TMEM161B: variants seen among roughly 807,000 people sequenced by gnomAD.
TMEM161B encodes transmembrane protein 161B.
A neutral mutation model predicts 61.8 loss-of-function variants in TMEM161B; 34 were observed. The observed-to-expected ratio is 0.55, with a 90% CI of 0.42 to 0.73. The LOEUF is 0.73. Among genes scored for constraint, TMEM161B ranks in the 30% least tolerant of loss-of-function variants. The pLI, the probability that TMEM161B is intolerant of heterozygous loss-of-function variation, is 0.00. For missense variants in TMEM161B, 456 were observed against 558.5 expected (o/e 0.82, Z 1.85); for synonymous variants, 167 against 192.8 (o/e 0.87, Z 1.11).
chr5:88,217,716 A>C (rs1748148686), intron 5 of TMEM161B, among the ~76,000 whole-genome samples: 1 of 152,114 alleles, frequency 6.6e-6, no homozygotes. Context: ...TAAAAAGATA[A>C]TCTCTGGCCT....
intron 8 of TMEM161B, among the ~76,000 whole-genome samples, chr5:88,204,708 G>C (rs1415367434): frequency 6.6e-6 from 1 of 151,934 alleles, no homozygotes; most frequent in Non-Finnish European, 1.5e-5. Flanking sequence ...GAGACGGGTG[G>C]TGGGAGAAAG....
chr5:88,191,121 C>A (rs1313914273), downstream of TMEM161B, among the ~76,000 whole-genome samples: 1 of 152,138 alleles, frequency 6.6e-6, no homozygotes, highest in East Asian at 1.9e-4. Context: ...ATGATTATTG[C>A]CCTTCATCCT....
At chr5:88,185,845 G>A (rs1270233161), downstream of TMEM161B, among the ~76,000 whole-genome samples, 1 of 152,258 alleles carries the variant, frequency 6.6e-6, no homozygotes, top group East Asian at 1.9e-4. Flanking sequence ...TGAGTTGTGG[G>A]ACAAATTCAG....
In TMEM161B at chr5:88,196,234, G is replaced by A; in HGVS notation, c.1441C>T (p.His481Tyr). 6.2e-7 allele frequency: 1 copy of A among 1,611,962 alleles called. No homozygotes were observed. Among genetic ancestry groups the A allele is most frequent in the Non-Finnish European group, 8.5e-7 (1 of 1,178,984 alleles). Residue 481 changes from histidine (H) to tyrosine (Y), a missense_variant, in exon 12 of 12, where the codon CAC becomes TAC. His to Tyr is a moderately conservative substitution (Grantham distance 83, BLOSUM62 2). Around this residue, in one of 3 missense-constraint regions of TMEM161B, gnomAD observed 367 missense variants for 427.3 expected, o/e 0.86. Transcript: ENST00000296595. The stretch of plus-strand genomic sequence containing the variant: ...ATTCATGCCACAGTCAGATACTGGT[G>A]ATAGAAAAGCCCAAAAAGGCTTGTA... ...FSTSLFGLFY[H>Y]QYLTVA
At chr5:88,235,608 T>C (rs550863083) in intron 2 of TMEM161B, among the ~76,000 whole-genome samples, 22 of 152,284 alleles carry the variant, frequency 1.4e-4, no homozygotes, top group African/African-American at 5.3e-4. Flanking sequence ...AGAGGGTCCT[T>C]ACCAGAACCT....
intron 5 of TMEM161B, among the ~76,000 whole-genome samples, chr5:88,209,749 A>G (rs1177420327): frequency 6.6e-6 from 1 of 152,152 alleles, no homozygotes; most frequent in Non-Finnish European, 1.5e-5. Context: ...CCACACTCAC[A>G]TGTTCAAGCT....
intron 8 of TMEM161B, among the ~76,000 whole-genome samples, chr5:88,205,157 G>C (rs1745212607): frequency 6.6e-6 from 1 of 152,096 alleles, no homozygotes; most frequent in Non-Finnish European, 1.5e-5. Context: ...TCTGTGACAA[G>C]CACAAAGAAT....
downstream of TMEM161B, chr5:88,190,207 C>T: frequency 1.4e-6 from 1 of 701,050 alleles, no homozygotes; most frequent in Non-Finnish European, 2.6e-6. Flanking sequence ...TCAAAGGGGG[C>T]TGCTCCATAA....
At chr5:88,198,772 A>T in intron 10 of TMEM161B, 1 of 531,028 alleles carries the variant, frequency 1.9e-6, no homozygotes, top group East Asian at 3.2e-5. Flanking sequence ...CCAAGCACTT[A>T]AGGCAGGAAG....
At chr5:88,258,264 G>GC (rs1290310009) in intron 1 of TMEM161B, among the ~76,000 whole-genome samples, 1 of 151,942 alleles carries the variant, frequency 6.6e-6, no homozygotes, top group Non-Finnish European at 1.5e-5. Flanking sequence ...AGTTATCCAG[G>GC]CTCTTTTCTA....
At chr5:88,207,308 T>G (rs1215840751) in intron 5 of TMEM161B, 128 bp from the exon 6 acceptor site, 4 of 895,536 alleles carry the variant, frequency 4.5e-6, no homozygotes, top group African/African-American at 3.5e-5. Flanking sequence ...TTAAAACACT[T>G]TTAAATTAAG....
At chr5:88,198,876 T>C (rs920475996) in intron 10 of TMEM161B, 100 bp downstream of exon 10, 7 of 967,596 alleles carry the variant, frequency 7.2e-6, no homozygotes, top group Admixed American at 5.6e-5. Flanking sequence ...AATAAGAATA[T>C]GATGGGTTGA....
intron 2 of TMEM161B, among the ~76,000 whole-genome samples, chr5:88,234,747 G>A (rs535653741): frequency 1.3e-5 from 2 of 152,158 alleles, no homozygotes; most frequent in African/African-American, 2.4e-5. Flanking sequence ...TTAGAAAATT[G>A]AGAGTAAGTA....
At chr5:88,225,669 C>A in intron 4 of TMEM161B, 100 bp downstream of exon 4, 6 of 666,142 alleles carry the variant, frequency 9.0e-6, no homozygotes, top group East Asian at 3.1e-5. Context: ...AGAAAGATTC[C>A]ATATTCTCTA....
chr5:88,187,516 TC>T (rs1355476198), downstream of TMEM161B, among the ~76,000 whole-genome samples: 8 of 152,204 alleles, frequency 5.3e-5, no homozygotes, highest in Non-Finnish European at 8.8e-5. Flanking sequence ...TTTGTAGAGT[TC>T]AGTGTACAGG....
chr5:88,209,252 G>A (rs2112442129), intron 5 of TMEM161B, among the ~76,000 whole-genome samples: 2 of 152,210 alleles, frequency 1.3e-5, no homozygotes, highest in Middle Eastern at 3.4e-3. Flanking sequence ...AACTACAACT[G>A]AACTGCTTTT....
chr5:88,264,012 C>T (rs1385522544), intron 1 of TMEM161B, among the ~76,000 whole-genome samples: 3 of 152,194 alleles, frequency 2.0e-5, no homozygotes, highest in East Asian at 1.9e-4. Flanking sequence ...CTTCAAACTG[C>T]GCATGTCAAA....
intron 5 of TMEM161B, 55 bp downstream of exon 5, chr5:88,220,508 A>T: frequency 2.9e-6 from 4 of 1,378,448 alleles, no homozygotes; most frequent in Non-Finnish European, 2.9e-6. Flanking sequence ...CAGAGATGAG[A>T]TCTAATGGTG....
Position 88,196,477 on chromosome 5 carries a change from A to T in TMEM161B, c.1198T>A (p.Trp400Arg). 1 of 1,581,298 alleles carries T rather than the reference A, an allele frequency of 6.3e-7. No homozygotes were observed. The highest frequency in any genetic ancestry group is 8.6e-7 in the Non-Finnish European group (1 of 1,165,254). The change falls in exon 12 of 12, where the codon TGG becomes AGG. Residue 400 changes from tryptophan (W) to arginine (R), a missense_variant. Around this residue, in one of 3 missense-constraint regions of TMEM161B, gnomAD observed 367 missense variants for 427.3 expected, o/e 0.86. Coordinates refer to ENST00000296595, the MANE Select transcript of TMEM161B (RefSeq NM_153354.5). Reference protein sequence around the residue: ...LLLKTLGNHSWGIYPESISTL... With the variant: ...LLLKTLGNHSRGIYPESISTL... ...GAGATAGATTCTGGATAAATACCCC[A>T]GGAATGATTACCTAGAAAATCAAAG...
Sources: allele counts gnomAD v4.1 joint callset (sites outside exome capture counted in the v4.1 genomes callset), GRCh38; gene constraint gnomAD v4.1.1; regional missense constraint gnomAD v4.1.1; transcripts MANE v1.5; gene names NCBI Gene and HGNC (gene_info 2026-07-23, HGNC 2026-07-21).